Variants in CYP2C19 observed in about 807,000 individuals in gnomAD.
The protein encoded by CYP2C19 is cytochrome P450 family 2 subfamily C member 19.
Under a neutral mutation model 40.9 loss-of-function variants are expected in CYP2C19, and 59 were observed. That is an observed-to-expected ratio of 1.44 (90% CI 1.17 to 1.79). The LOEUF (loss-of-function observed/expected upper bound fraction) is 1.79, where lower values mean the gene tolerates loss of function less well. CYP2C19 is among the 40% of genes most tolerant of loss of function. The pLI is 0.00. For missense variants in CYP2C19, 754 were observed against 596.9 expected (o/e 1.26, Z -2.74); for synonymous variants, 253 against 208.7 (o/e 1.21, Z -1.83).
At chr10:94,764,918 A>G (rs773279658) in intron 1 of CYP2C19, among the ~76,000 whole-genome samples, 1 of 152,112 alleles carries the variant, frequency 6.6e-6, no homozygotes, top group Non-Finnish European at 1.5e-5. Context: ...TGATTTCAGA[A>G]GCCATTTCCT....
chr10:94,772,559 A>T (rs1188517587), intron 1 of CYP2C19, among the ~76,000 whole-genome samples: 2 of 152,130 alleles, frequency 1.3e-5, no homozygotes, highest in African/African-American at 4.8e-5. Context: ...TGACTTTGAG[A>T]GTTCTGCTCA....
intron 7 of CYP2C19, among the ~76,000 whole-genome samples, chr10:94,845,360 A>G (rs1445169080): frequency 6.6e-6 from 1 of 152,200 alleles, no homozygotes; most frequent in Non-Finnish European, 1.5e-5. Flanking sequence ...TTTTGTTTCA[A>G]AAATATTATT....
intron 6 of CYP2C19, among the ~76,000 whole-genome samples, chr10:94,830,667 T>C: frequency 6.6e-6 from 1 of 152,222 alleles, no homozygotes; most frequent in Non-Finnish European, 1.5e-5. Context: ...TATTCAGCCA[T>C]CTTTGCTCCT....
At chr10:94,820,447 A>C in intron 5 of CYP2C19, 49 bp from the exon 6 acceptor site, 1 of 1,604,860 alleles carries the variant, frequency 6.2e-7, no homozygotes, top group East Asian at 2.2e-5. Flanking sequence ...ACTGTCATCA[A>C]ATATGCTGTT....
At chr10:94,781,745 AC>A (rs1848480532) in intron 4 of CYP2C19, 75 bp from the exon 5 acceptor site, 1 of 665,996 alleles carries the variant, frequency 1.5e-6, no homozygotes, top group African/African-American at 1.9e-5. Context: ...GTTTTAAATT[AC>A]AACCAGAGCT....
At chr10:94,814,497 A>G (rs1254176077) in intron 5 of CYP2C19, among the ~76,000 whole-genome samples, 1 of 151,194 alleles carries the variant, frequency 6.6e-6, no homozygotes, top group Non-Finnish European at 1.5e-5. Flanking sequence ...TGTGCAGGTG[A>G]CGAAGAGTGG....
chr10:94,842,393 GTTTTTTTT>G (rs57865512), intron 6 of CYP2C19, among the ~76,000 whole-genome samples: 13 of 86,948 alleles, frequency 1.5e-4, no homozygotes, highest in Admixed American at 7.5e-4. Flanking sequence ...TTTAAGTGAA[GTTTTTTTT>G]TTTTTTTTTT....
At chr10:94,806,607 ATTT>A (rs1848839699) in intron 5 of CYP2C19, among the ~76,000 whole-genome samples, 1 of 148,330 alleles carries the variant, frequency 6.7e-6, no homozygotes, top group Admixed American at 6.7e-5. Context: ...TTTACTTATT[ATTT>A]ATTTATTAAT....
chr10:94,796,218 G>T (rs1395641571), intron 5 of CYP2C19, among the ~76,000 whole-genome samples: 1 of 152,076 alleles, frequency 6.6e-6, no homozygotes, highest in African/African-American at 2.4e-5. Context: ...TCTCCATATG[G>T]CTAGCCAGTT....
intron 5 of CYP2C19, among the ~76,000 whole-genome samples, chr10:94,791,768 G>A (rs1848608312): frequency 1.3e-5 from 2 of 152,094 alleles, no homozygotes; most frequent in South Asian, 4.1e-4. Context: ...CATTTGCTGA[G>A]GAGTGCTTTA....
intron 5 of CYP2C19, among the ~76,000 whole-genome samples, chr10:94,784,295 CTGTT>C (rs1365215089): frequency 6.6e-6 from 1 of 152,074 alleles, no homozygotes; most frequent in Non-Finnish European, 1.5e-5. Context: ...TGTTATTCAT[CTGTT>C]TGTGGACATT....
At chr10:94,778,806 ATAC>A (rs1404756055) in intron 3 of CYP2C19, among the ~76,000 whole-genome samples, 1 of 152,192 alleles carries the variant, frequency 6.6e-6, no homozygotes, top group African/African-American at 2.4e-5. Flanking sequence ...ATAAAGATAC[ATAC>A]AAACGTATGT....
At chr10:94,767,401 T>C (rs1848260701) in intron 1 of CYP2C19, among the ~76,000 whole-genome samples, 1 of 152,224 alleles carries the variant, frequency 6.6e-6, no homozygotes, top group Non-Finnish European at 1.5e-5. Flanking sequence ...AATTATTTCA[T>C]GAATTAGGAC....
intron 6 of CYP2C19, among the ~76,000 whole-genome samples, chr10:94,827,633 T>G (rs1849251347): frequency 6.6e-6 from 1 of 152,246 alleles, no homozygotes; most frequent in South Asian, 2.1e-4. Flanking sequence ...TTCATTAATT[T>G]TTTGAAGGGT....
chr10:94,810,602 G>C (rs1379344379), intron 5 of CYP2C19, among the ~76,000 whole-genome samples: 1 of 151,958 alleles, frequency 6.6e-6, no homozygotes, highest in South Asian at 2.1e-4. Context: ...ACTTCTTCCT[G>C]GTTTGGTCTT....
At chr10:94,795,596 T>C (rs1848672841) in intron 5 of CYP2C19, among the ~76,000 whole-genome samples, 1 of 152,158 alleles carries the variant, frequency 6.6e-6, no homozygotes, top group African/African-American at 2.4e-5. Context: ...TCCACAATGG[T>C]TAAACTAGTT....
chr10:94,794,058 G>T (rs183066637), intron 5 of CYP2C19, among the ~76,000 whole-genome samples: 5 of 152,232 alleles, frequency 3.3e-5, no homozygotes, highest in South Asian at 2.1e-4. Flanking sequence ...CCTCAGAAGT[G>T]GTGGACGCCC....
intron 6 of CYP2C19, among the ~76,000 whole-genome samples, chr10:94,823,698 A>T (rs981457412): frequency 2.0e-5 from 3 of 152,210 alleles, no homozygotes; most frequent in Non-Finnish European, 4.4e-5. Flanking sequence ...TCTCAAGAGG[A>T]ACTATTAATA....
intron 1 of CYP2C19, among the ~76,000 whole-genome samples, chr10:94,772,789 TTTTGAGACGGAG>T (rs1848352755): frequency 6.6e-6 from 1 of 151,310 alleles, no homozygotes; most frequent in Non-Finnish European, 1.5e-5. Context: ...TCACTTTTTG[TTTTGAGACGGAG>T]TCTCGCTCTG....
Sources: gnomAD v4.1 joint callset for allele counts (sites outside exome capture counted in the v4.1 genomes callset) on GRCh38, gnomAD v4.1.1 for gene constraint, MANE v1.5 for transcripts, NCBI Gene and HGNC (gene_info 2026-07-23, HGNC 2026-07-21) for gene names.